STAU2: variants seen among roughly 807,000 people sequenced by gnomAD.
STAU2 encodes double-stranded RNA-binding protein Staufen homolog 2.
In STAU2, 20 loss-of-function variants were observed where a neutral mutation model predicts 65.9. The observed-to-expected ratio is 0.30, with a 90% CI of 0.21 to 0.44. The LOEUF is 0.44. Among genes scored for constraint, STAU2 ranks in the 20% least tolerant of loss-of-function variants. STAU2 has a pLI of 1.00. For synonymous variants in STAU2, 232 were observed against 233.9 expected (o/e 0.99, Z 0.07); for missense variants, 558 against 683.9 (o/e 0.82, Z 2.05).
intron 13 of STAU2, among the ~76,000 whole-genome samples, chr8:73,460,459 G>T (rs755467079): frequency 6.6e-6 from 1 of 152,174 alleles, no homozygotes; most frequent in African/African-American, 2.4e-5. Context: ...CACATTTGAC[G>T]ACATCTAGCT....
At chr8:73,574,699 C>A (rs1018175472) in intron 12 of STAU2, among the ~76,000 whole-genome samples, 3 of 152,088 alleles carry the variant, frequency 2.0e-5, no homozygotes, top group South Asian at 2.1e-4. Flanking sequence ...TAGGTGGGAA[C>A]TGAACAATGA....
chr8:73,463,874 T>C (rs1363959832), intron 13 of STAU2, among the ~76,000 whole-genome samples: 1 of 152,164 alleles, frequency 6.6e-6, no homozygotes, highest in Admixed American at 6.5e-5. Context: ...GATCTTTCAT[T>C]TTCTCCTTCC....
intron 4 of STAU2, among the ~76,000 whole-genome samples, chr8:73,705,103 C>A (rs1028606644): frequency 3.9e-5 from 6 of 152,118 alleles, no homozygotes; most frequent in Admixed American, 1.3e-4. Flanking sequence ...TTGTTTTAGT[C>A]CTATATATGA....
At chr8:73,710,972 A>G (rs1820849188) in intron 3 of STAU2, among the ~76,000 whole-genome samples, 1 of 151,800 alleles carries the variant, frequency 6.6e-6, no homozygotes, top group Non-Finnish European at 1.5e-5. Context: ...AATTTGTACA[A>G]TGGCTTGATT....
chr8:73,745,301 AAC>A (rs1309640144), intron 1 of STAU2, among the ~76,000 whole-genome samples: 1 of 152,242 alleles, frequency 6.6e-6, no homozygotes, highest in African/African-American at 2.4e-5. Context: ...CATACTACAA[AAC>A]AGAGATGGAG....
At chr8:73,547,921 C>T (rs1807051063) in intron 13 of STAU2, among the ~76,000 whole-genome samples, 1 of 151,586 alleles carries the variant, frequency 6.6e-6, no homozygotes, top group Admixed American at 6.6e-5. Context: ...AAAAAAACCA[C>T]AAAAAAGCAA....
At chr8:73,633,002 G>A (rs1474631636) in intron 6 of STAU2, among the ~76,000 whole-genome samples, 1 of 152,122 alleles carries the variant, frequency 6.6e-6, no homozygotes, top group Non-Finnish European at 1.5e-5. Flanking sequence ...GGCTACAAAA[G>A]GGACAATTTC....
chr8:73,647,370 C>T (rs536808679), intron 6 of STAU2, among the ~76,000 whole-genome samples: 1 of 152,224 alleles, frequency 6.6e-6, no homozygotes, highest in South Asian at 2.1e-4. Flanking sequence ...CTGTGGTACA[C>T]AGAACACTAC....
At chr8:73,445,683 A>G (rs1174290736) in intron 13 of STAU2, among the ~76,000 whole-genome samples, 1 of 152,256 alleles carries the variant, frequency 6.6e-6, no homozygotes, top group African/African-American at 2.4e-5. Flanking sequence ...CAATCCAATT[A>G]GAGAATGGGC....
chr8:73,567,847 C>T (rs1010031365), intron 12 of STAU2, among the ~76,000 whole-genome samples: 7 of 148,886 alleles, frequency 4.7e-5, no homozygotes, highest in African/African-American at 9.7e-5. Flanking sequence ...TTTTCTTACT[C>T]GCTGGGGGGG....
intron 3 of STAU2, among the ~76,000 whole-genome samples, chr8:73,719,196 G>A (rs556927019): frequency 1.3e-5 from 2 of 152,266 alleles, no homozygotes; most frequent in African/African-American, 2.4e-5. Context: ...AAGGTCAGGA[G>A]ATCGAGACCA....
At chr8:73,511,906 T>C (rs1182269458) in intron 13 of STAU2, among the ~76,000 whole-genome samples, 1 of 152,212 alleles carries the variant, frequency 6.6e-6, no homozygotes, top group Non-Finnish European at 1.5e-5. Context: ...TTTAAGTCTA[T>C]TATCTATTTT....
chr8:73,539,054 T>C (rs1168941135), intron 13 of STAU2, among the ~76,000 whole-genome samples: 1 of 152,182 alleles, frequency 6.6e-6, no homozygotes, highest in South Asian at 2.1e-4. Context: ...CAGGAGAGGC[T>C]ACTGCCCCAG....
chr8:73,590,432 T>C (rs1810690371), intron 11 of STAU2: 1 of 152,110 alleles, frequency 6.6e-6, no homozygotes, highest in African/African-American at 2.4e-5. Flanking sequence ...AGCAAGATCT[T>C]TAAAGTACTA....
chr8:73,489,622 A>G (rs1042246459), intron 13 of STAU2, among the ~76,000 whole-genome samples: 3 of 152,058 alleles, frequency 2.0e-5, no homozygotes, highest in African/African-American at 7.2e-5. Flanking sequence ...TTTTAAAGCA[A>G]TTGTCTACAT....
chr8:73,653,993 G>A, intron 6 of STAU2: 2 of 258,962 alleles, frequency 7.7e-6, no homozygotes, highest in Admixed American at 5.6e-5. Context: ...GAAGGGGAGG[G>A]AAAAAATAAA....
At chr8:73,610,016 TGCCTTTAATC>T (rs779112949) in intron 9 of STAU2, among the ~76,000 whole-genome samples, 6 of 152,162 alleles carry the variant, frequency 3.9e-5, no homozygotes, top group Non-Finnish European at 8.8e-5. Flanking sequence ...CAGTGGCTCA[TGCCTTTAATC>T]GCAGCACTTT....
At chr8:73,589,939 G>A (rs916987358) in intron 11 of STAU2, among the ~76,000 whole-genome samples, 1 of 151,194 alleles carries the variant, frequency 6.6e-6, no homozygotes, top group Admixed American at 6.6e-5. Flanking sequence ...AGGAAGAGGA[G>A]GAGGATAAAG....
At chr8:73,604,882 A>G (rs2129731025) in intron 9 of STAU2, among the ~76,000 whole-genome samples, 1 of 152,312 alleles carries the variant, frequency 6.6e-6, no homozygotes, top group Middle Eastern at 3.4e-3. Flanking sequence ...GAGATGGTAC[A>G]TCCTACCCCA....
Sources: gnomAD v4.1 joint callset for allele counts (sites outside exome capture counted in the v4.1 genomes callset) on GRCh38, gnomAD v4.1.1 for gene constraint, MANE v1.5 for transcripts, NCBI Gene and HGNC (gene_info 2026-07-23, HGNC 2026-07-21) for gene names.